Variants in ARHGAP27 observed in about 807,000 individuals in gnomAD.
The protein encoded by ARHGAP27 is Rho GTPase activating protein 27.
A neutral mutation model predicts 102.0 loss-of-function variants in ARHGAP27; 53 were observed. That is an observed-to-expected ratio of 0.52 (90% CI 0.42 to 0.65). ARHGAP27 has a LOEUF of 0.65. ARHGAP27 is among the 30% of genes least tolerant of loss of function. The probability of loss-of-function intolerance (pLI) is 0.00; values close to 1 mark genes in which losing one functional copy is unlikely to be tolerated. For synonymous variants in ARHGAP27, 525 were observed against 542.8 expected (o/e 0.97, Z 0.46); for missense variants, 1,117 against 1,256.2 (o/e 0.89, Z 1.68).
chr17:45,410,308 C>T (rs779535439), intron 4 of ARHGAP27: 39 of 1,511,944 alleles, frequency 2.6e-5, no homozygotes, highest in Admixed American at 6.4e-5. Flanking sequence ...TCTGAACTGC[C>T]GGGACAGAGC....
rs1421762202 is a variant in ARHGAP27, at chr17:45,402,594, G to T, written c.1743+120C>A. The stretch of plus-strand genomic sequence containing the variant: ...AATACAGCCAAAAGCTGCACTCAGT[G>T]TTGGCTCATAGGGAATTAAGGGTCA... On this transcript the variant is annotated intron_variant, in intron 12 of 19. Transcript: ENST00000685559. The T allele has an allele frequency of 1.0e-5, 9 of 879,282 alleles. No homozygotes were observed. In the Admixed American group the frequency reaches 1.9e-4, roughly 18 times the overall value. The allele number at this position is 879,282 out of a possible 1,614,324, so 54.5% of individuals were successfully genotyped here. A position where few individuals can be genotyped will look rare whatever the true frequency, so the allele number is the denominator to read the frequency against.
At position 45,395,440 on chromosome 17, in the gene ARHGAP27, A is replaced by G; in HGVS notation, c.*16T>C. ...GTGGCAGGACCGCGGCCGCCGCCCCAGTCACAGGCCAGCAGTCAGTGCGGC... is the reference window on the plus strand; with the variant it reads ...GTGGCAGGACCGCGGCCGCCGCCCCGGTCACAGGCCAGCAGTCAGTGCGGC... On this transcript the variant is annotated 3_prime_UTR_variant, in exon 20 of 20. Coordinates refer to ENST00000685559, the MANE Select transcript of ARHGAP27 (RefSeq NM_001282290.2). 2 of 1,549,132 alleles carry G rather than the reference A, an allele frequency of 1.3e-6. No individual in the cohort carries two copies. Among genetic ancestry groups the G allele is most frequent in the East Asian group, 2.4e-5 (1 of 41,290 alleles).
chr17:45,429,405 C>T, intron 4 of ARHGAP27: 2 of 1,373,814 alleles, frequency 1.5e-6, no homozygotes, highest in Non-Finnish European at 1.9e-6. Flanking sequence ...CTCTGGGCTT[C>T]CAGGGAGCTT....
intron 4 of ARHGAP27, among the ~76,000 whole-genome samples, chr17:45,414,327 G>A (rs1222159479): frequency 6.6e-6 from 1 of 152,028 alleles, no homozygotes; most frequent in Non-Finnish European, 1.5e-5. Context: ...GGTCCTGAAG[G>A]ACCCCATAGC....
Position 45,406,036 on chromosome 17 carries a change from GGGC to G in ARHGAP27, c.702_704del (p.Gln234_Pro235delinsHis). 3 of 1,534,008 alleles carry G rather than the reference GGGC, an allele frequency of 2.0e-6. No individual in the cohort carries two copies. The highest frequency in any genetic ancestry group is 2.6e-6 in the Non-Finnish European group (3 of 1,145,552). On this transcript the variant is annotated inframe_deletion, in exon 5 of 20. Transcript: ENST00000685559. The stretch of plus-strand genomic sequence containing the variant: ...CAGCGGCGCCCGGTGAAGTGGCCCG[GGGC>G]TGCCTCTCTATGTTCGCGTACACGG...
Position 45,397,975 on chromosome 17 carries a change from C to T in ARHGAP27, c.1816G>A (p.Ala606Thr), listed in dbSNP as rs2045949669. The T allele has an allele frequency of 6.2e-7, 1 of 1,610,434 alleles. No individual in the cohort carries two copies. Among genetic ancestry groups the T allele is most frequent in the South Asian group, 1.1e-5 (1 of 90,884 alleles). ...SEAIISTWHK[A>T]IAQGIQELSA... is the part of the protein sequence containing the mutation. ...AGCTCCTGGATGCCCTGAGCAATGGCCTTATGCCAGGTGCTGATGATGGCC... is the reference window on the plus strand; with the variant it reads ...AGCTCCTGGATGCCCTGAGCAATGGTCTTATGCCAGGTGCTGATGATGGCC... The change falls in exon 13 of 20, where the codon GCC (alanine) becomes ACC (threonine). Residue 606 changes from alanine (A) to threonine (T), a missense_variant. Coordinates refer to ENST00000685559, the MANE Select transcript of ARHGAP27 (RefSeq NM_001282290.2).
chr17:45,415,174 C>G (rs1183461649), intron 4 of ARHGAP27, among the ~76,000 whole-genome samples: 1 of 152,022 alleles, frequency 6.6e-6, no homozygotes, highest in African/African-American at 2.4e-5. Flanking sequence ...TCTGTTCCCT[C>G]ACTTAGACAA....
intron 4 of ARHGAP27, chr17:45,429,383 A>G (rs552170373): frequency 7.4e-7 from 1 of 1,347,928 alleles, no homozygotes; most frequent in African/African-American, 1.5e-5. Context: ...CACCAATTGG[A>G]TTACGAAAAG....
rs1238952220 is a variant in ARHGAP27, at chr17:45,429,805, C to A, written c.475G>T (p.Asp159Tyr). ...GGCGAGACGGCGGCGCAGGCCAGGT[C>A]GTTCAGGGACTGCGCGGGCCGCACG... ...APVRPAQSLN[D>Y]LACAAVSPPA... Residue 159 changes from aspartate to tyrosine, a missense_variant, in exon 4 of 20, where the codon GAC (aspartate) becomes TAC (tyrosine). This residue lies in a region of ARHGAP27 where 610 missense variants were observed against 716.4 expected (regional missense o/e 0.85). Transcript: ENST00000685559. 1.0e-5 allele frequency: 15 copies of A among 1,505,176 alleles called. No individual in the cohort carries two copies. The highest frequency in any genetic ancestry group is 1.2e-5 in the Non-Finnish European group (14 of 1,132,850). 93.2% of individuals were successfully genotyped at this position (1,505,176 alleles called of 1,614,324 possible).
rs1352619318 is a variant in ARHGAP27, at chr17:45,430,262, C to T, written c.18G>A (p.Val6=). 2 of 1,577,900 alleles carry T rather than the reference C, an allele frequency of 1.3e-6. No homozygotes were observed. Among genetic ancestry groups the T allele is most frequent in the Non-Finnish European group, 1.7e-6 (2 of 1,170,436 alleles). The part of the protein sequence containing the change: MAADV[V]GDVYVLVEHP... ...GCTCCACCAGCACGTACACGTCCCC[C>T]ACCACGTCCGCCGCCATCGCAGCCG... is the stretch of plus-strand genomic sequence containing the variant. Residue 6 remains valine, a synonymous_variant, in exon 4 of 20, where the codon GTG becomes GTA. Coordinates refer to ENST00000685559, the MANE Select transcript of ARHGAP27 (RefSeq NM_001282290.2). The surrounding 1 kb of genome is among the most constrained non-coding windows in gnomAD (Gnocchi z 4.4).
At chr17:45,431,487 AG>A (rs2050054895) in intron 3 of ARHGAP27, 133 bp downstream of exon 3, 2 of 244,934 alleles carry the variant, frequency 8.2e-6, no homozygotes, top group African/African-American at 4.7e-5. Flanking sequence ...CGACGAGGAA[AG>A]GGTGTAAACT....
chr17:45,395,758 G>C lies in ARHGAP27; in HGVS notation c.2478C>G (p.Phe826Leu). The C allele has an allele frequency of 6.3e-7, 1 of 1,599,258 alleles. No homozygotes were observed. The highest frequency in any genetic ancestry group is 8.5e-7 in the Non-Finnish European group (1 of 1,176,086). Reference protein sequence around the residue: ...APNHDTLRMLFQHLCRVIEHG... With the variant: ...APNHDTLRMLLQHLCRVIEHG... ...GCCCGGCTCACCGGCAGAGGTGCTG[G>C]AAGAGCATCCGCAGAGTGTCGTGGT... Residue 826 changes from phenylalanine (F) to leucine (L), a missense_variant, in exon 19 of 20, where the codon TTC becomes TTG. Physicochemically the swap from Phe to Leu is conservative, Grantham distance 22. This residue lies in a region of ARHGAP27 where 493 missense variants were observed against 505.5 expected (regional missense o/e 0.98). Transcript: ENST00000685559.
intron 6 of ARHGAP27, 46 bp from the exon 7 acceptor site, chr17:45,404,727 G>C (rs767110564): frequency 3.8e-6 from 6 of 1,581,114 alleles, no homozygotes; most frequent in Non-Finnish European, 5.2e-6. Context: ...GCTTATGAGA[G>C]GGGAGGAAAA....
chr17:45,404,711 A>G (rs751287254), intron 6 of ARHGAP27, 30 bp from the exon 7 acceptor site: 2 of 1,596,096 alleles, frequency 1.3e-6, no homozygotes, highest in Non-Finnish European at 1.7e-6. Flanking sequence ...CAGGGCCTCC[A>G]GCCCAGCTTA....
chr17:45,396,180 G>A (rs1293317790), intron 17 of ARHGAP27, 27 bp downstream of exon 17: 1 of 1,595,898 alleles, frequency 6.3e-7, no homozygotes, highest in East Asian at 2.2e-5. Flanking sequence ...TTCAGGCCCT[G>A]GGGCAGGGGT....
At chr17:45,422,213 G>A (rs369618824) in intron 4 of ARHGAP27, among the ~76,000 whole-genome samples, 3 of 151,384 alleles carry the variant, frequency 2.0e-5, no homozygotes, top group Non-Finnish European at 4.4e-5. Flanking sequence ...CAGTGGTGGC[G>A]GGCAACACGA....
chr17:45,402,959 C>T, intron 11 of ARHGAP27, 141 bp from the exon 12 acceptor site: 2 of 746,290 alleles, frequency 2.7e-6, no homozygotes, highest in East Asian at 2.8e-5. Flanking sequence ...GTTCCTGAAC[C>T]CAGAGACCCT....
At chr17:45,414,881 C>T (rs1176611275) in intron 4 of ARHGAP27, among the ~76,000 whole-genome samples, 2 of 131,054 alleles carry the variant, frequency 1.5e-5, no homozygotes, top group Non-Finnish European at 3.4e-5. Flanking sequence ...CATGGTGAAA[C>T]CCCATCTCTA....
At chr17:45,412,716 T>A (rs572180948) in intron 4 of ARHGAP27, among the ~76,000 whole-genome samples, 10 of 152,258 alleles carry the variant, frequency 6.6e-5, no homozygotes, top group Non-Finnish European at 1.0e-4. Flanking sequence ...AAACTGGGTC[T>A]CCCTTTAACC....
Sources: gnomAD v4.1 joint callset for allele counts (sites outside exome capture counted in the v4.1 genomes callset) on GRCh38, gnomAD v4.1.1 for gene constraint, gnomAD v4.1.1 regional missense constraint, Gnocchi (gnomAD v3.1) non-coding constraint, MANE v1.5 for transcripts, NCBI Gene and HGNC (gene_info 2026-07-23, HGNC 2026-07-21) for gene names.